The following PIAS2 variants were observed in gnomAD, a reference collection of about 807,000 sequenced individuals.
PIAS2 encodes protein inhibitor of activated STAT 2.
A neutral mutation model predicts 69.7 loss-of-function variants in PIAS2; 19 were observed. The observed-to-expected ratio is 0.27, with a 90% confidence interval of 0.19 to 0.40. PIAS2 has a LOEUF of 0.40. Ranked by LOEUF, PIAS2 falls within the 10% of genes least tolerant of loss-of-function variation. The pLI, the probability that PIAS2 is intolerant of heterozygous loss-of-function variation, is 1.00. For missense variants in PIAS2, 624 were observed against 757.0 expected (o/e 0.82, Z 2.06); for synonymous variants, 261 against 263.2 (o/e 0.99, Z 0.08).
intron 12 of PIAS2, 57 bp downstream of exon 12, chr18:46,820,876 G>A (rs899497301): frequency 1.0e-5 from 16 of 1,528,286 alleles, no homozygotes; most frequent in South Asian, 8.7e-5. Flanking sequence ...CACAGATTAA[G>A]ATTAAAAAAA....
intron 1 of PIAS2, among the ~76,000 whole-genome samples, chr18:46,895,021 C>G (rs1004721096): frequency 6.7e-6 from 1 of 149,758 alleles, no homozygotes; most frequent in South Asian, 2.1e-4. Context: ...TGCAGTGAGT[C>G]GAGACCATAC....
intron 8 of PIAS2, among the ~76,000 whole-genome samples, chr18:46,837,097 GATTTTT>G (rs1568437866): frequency 6.6e-6 from 1 of 152,020 alleles, no homozygotes; most frequent in Non-Finnish European, 1.5e-5. Context: ...ATATTTCTAA[GATTTTT>G]ATATTTATAA....
At chr18:46,827,280 T>C (rs774297354) in intron 11 of PIAS2, 1 of 152,148 alleles carries the variant, frequency 6.6e-6, no homozygotes, top group Non-Finnish European at 1.5e-5. Context: ...AAAGCAACTA[T>C]TGTTAAATAC....
chr18:46,877,062 T>C (rs1272279905), intron 2 of PIAS2, among the ~76,000 whole-genome samples: 1 of 152,204 alleles, frequency 6.6e-6, no homozygotes, highest in Non-Finnish European at 1.5e-5. Context: ...CCTCAATCCT[T>C]ACTTCTCTTG....
chr18:46,910,252 T>C (rs1042459497), intron 1 of PIAS2, among the ~76,000 whole-genome samples: 3 of 152,164 alleles, frequency 2.0e-5, no homozygotes, highest in African/African-American at 7.2e-5. Context: ...TTCAGTACAA[T>C]GGCTACTGTC....
intron 2 of PIAS2, among the ~76,000 whole-genome samples, chr18:46,887,089 C>T (rs1374513852): frequency 6.6e-6 from 1 of 152,120 alleles, no homozygotes; most frequent in East Asian, 1.9e-4. Flanking sequence ...GTTCTTTTTA[C>T]TTGATCCAAT....
intron 12 of PIAS2, among the ~76,000 whole-genome samples, chr18:46,819,623 A>G (rs1180411881): frequency 6.6e-6 from 1 of 152,152 alleles, no homozygotes; most frequent in Admixed American, 6.6e-5. Flanking sequence ...GCTTAAAATA[A>G]AGACCTCACT....
intron 2 of PIAS2, among the ~76,000 whole-genome samples, chr18:46,883,112 A>G (rs1182976680): frequency 6.6e-6 from 1 of 152,032 alleles, no homozygotes; most frequent in Non-Finnish European, 1.5e-5. Flanking sequence ...GAAAAAAAAA[A>G]AAACAAAAAG....
intron 2 of PIAS2, among the ~76,000 whole-genome samples, chr18:46,869,375 G>A (rs1407555061): frequency 6.6e-6 from 1 of 151,616 alleles, no homozygotes. Flanking sequence ...AGGAGGGACT[G>A]AGCCTCAGCA....
intron 12 of PIAS2, chr18:46,818,273 C>G: frequency 7.6e-7 from 1 of 1,309,766 alleles, no homozygotes; most frequent in East Asian, 3.1e-5. Context: ...GAGCACCATT[C>G]GCACCTGACA....
In PIAS2 at chr18:46,844,748, T is replaced by A; in HGVS notation, c.953A>T (p.His318Leu). Residue 318 changes from histidine to leucine, a missense_variant, in exon 7 of 14, where the codon CAT (histidine) becomes CTT (leucine). His to Leu is a moderately conservative substitution (Grantham distance 99). This residue lies in a region of PIAS2 where 339 missense variants were observed against 408.8 expected (regional missense o/e 0.83). Coordinates refer to ENST00000585916, the MANE Select transcript of PIAS2 (RefSeq NM_004671.5). ...ACATTACTTACTTAGTGCTCTGGAA[T>A]GATCAGGGTTTCTAATACCTTTCAT... ...LKMKGIRNPD[H>L]SRALIKEKLT... 7.1e-7 allele frequency: 1 copy of A among 1,406,606 alleles called. No homozygotes were observed. The highest frequency in any genetic ancestry group is 9.5e-7 in the Non-Finnish European group (1 of 1,055,234). The allele number at this position is 1,406,606 out of a possible 1,614,324, so 87.1% of individuals were successfully genotyped here. A position where few individuals can be genotyped will look rare whatever the true frequency, so the allele number is the denominator to read the frequency against.
Position 46,898,159 on chromosome 18 carries a change from T to G in PIAS2, c.25-7105A>C, listed in dbSNP as rs548889237. Among the ~76,000 whole-genome samples the G allele has an allele frequency of 4.4e-3, 672 of 151,966 alleles. 3 individuals are homozygous for G. Among genetic ancestry groups the G allele is most frequent in the Non-Finnish European group, 7.5e-3 (510 of 67,976 alleles). On this transcript the variant is annotated intron_variant, in intron 1 of 13. Transcript: ENST00000585916. ...TGTGAGCTACTACACCAAGGCAATA[T>G]AATTTTTTTTTTTTGAGAGAGAGAA... is the stretch of plus-strand genomic sequence containing the variant.
chr18:46,888,172 T>C (rs977343099), intron 2 of PIAS2, among the ~76,000 whole-genome samples: 9 of 152,036 alleles, frequency 5.9e-5, no homozygotes, highest in African/African-American at 2.2e-4. Context: ...CAATAACAAC[T>C]ATAAAACATT....
chr18:46,908,591 C>T (rs1484268273), intron 1 of PIAS2, among the ~76,000 whole-genome samples: 1 of 151,844 alleles, frequency 6.6e-6, no homozygotes, highest in Non-Finnish European at 1.5e-5. Context: ...TATACTTTTA[C>T]AATAATGGAA....
rs1491456025 is a variant in PIAS2, at chr18:46,807,384, T to TATATATATA, written c.*5048_*5049insTATATATAT. ...ATATATATATATATATATATATATATTTTTTTTTTTTTTTTTTTTTTTTTT... is the reference window on the plus strand; with the variant it reads ...ATATATATATATATATATATATATATATATATATATTTTTTTTTTTTTTTTTTTTTTTTT... On this transcript the variant is annotated 3_prime_UTR_variant, in exon 14 of 14. Coordinates refer to ENST00000585916, the MANE Select transcript of PIAS2 (RefSeq NM_004671.5). 14 of 18,640 alleles carry TATATATATA rather than the reference T, an allele frequency of 7.5e-4. No individual in the cohort carries two copies. The highest frequency in any genetic ancestry group is 1.2e-3 in the Non-Finnish European group (12 of 9,752). The allele number at this position is 18,640 out of a possible 1,614,324, so 1.2% of individuals were successfully genotyped here.
chr18:46,829,684 A>C (rs751017042), intron 10 of PIAS2, 50 bp downstream of exon 10: 1 of 1,537,246 alleles, frequency 6.5e-7, no homozygotes, highest in Admixed American at 1.8e-5. Context: ...ATTAATGATA[A>C]TGTTGCACGA....
intron 3 of PIAS2, 90 bp downstream of exon 3, chr18:46,864,074 C>T: frequency 2.8e-6 from 2 of 717,196 alleles, no homozygotes; most frequent in Non-Finnish European, 4.7e-6. Context: ...CTGTTGTTTA[C>T]ACTGTCCAGT....
intron 2 of PIAS2, among the ~76,000 whole-genome samples, chr18:46,877,402 G>A (rs2051392824): frequency 1.3e-5 from 2 of 152,246 alleles, no homozygotes; most frequent in South Asian, 4.2e-4. Context: ...TACCTGCTCT[G>A]TAAACAACTT....
At chr18:46,872,784 GGATT>G (rs1441628984) in intron 2 of PIAS2, among the ~76,000 whole-genome samples, 1 of 152,100 alleles carries the variant, frequency 6.6e-6, no homozygotes. Context: ...TGCTGACTAT[GGATT>G]GATTAATATG....
Sources: gnomAD v4.1 joint callset for allele counts (sites outside exome capture counted in the v4.1 genomes callset) on GRCh38, gnomAD v4.1.1 for gene constraint, gnomAD v4.1.1 regional missense constraint, MANE v1.5 for transcripts, NCBI Gene and HGNC (gene_info 2026-07-23, HGNC 2026-07-21) for gene names.